IPCEF1: variants seen among roughly 807,000 people sequenced by gnomAD.
The protein encoded by IPCEF1 is interactor protein for cytohesin exchange factors 1.
In IPCEF1, 31 loss-of-function variants were observed where a neutral mutation model predicts 50.9. That is an observed-to-expected ratio of 0.61 (90% CI 0.46 to 0.82). The LOEUF is 0.82. Ranked by LOEUF, IPCEF1 falls within the 40% of genes least tolerant of loss-of-function variation. IPCEF1 has a pLI of 0.00. For synonymous variants in IPCEF1, 181 were observed against 192.0 expected, an observed-to-expected ratio of 0.94 and a Z score of 0.47; for missense variants, 458 against 514.0, an observed-to-expected ratio of 0.89 and a Z score of 1.05.
chr6:154,180,386 C>CTATATATATATATATA (rs58975780), intron 10 of IPCEF1, among the ~76,000 whole-genome samples: 7 of 88,308 alleles, frequency 7.9e-5, no homozygotes, highest in Non-Finnish European at 1.5e-4. Flanking sequence ...ACAACAACAA[C>CTATATATATATATATA]TATATATATA....
chr6:154,297,207 T>C (rs1237860095), intron 1 of IPCEF1, among the ~76,000 whole-genome samples: 1 of 151,990 alleles, frequency 6.6e-6, no homozygotes, highest in East Asian at 1.9e-4. Flanking sequence ...ACCTAGCTAA[T>C]GTTTGTATTT....
chr6:154,269,476 C>A (rs534359992), intron 2 of IPCEF1, among the ~76,000 whole-genome samples: 1 of 151,650 alleles, frequency 6.6e-6, no homozygotes, highest in African/African-American at 2.4e-5. Flanking sequence ...TCTTTTTTTT[C>A]TTTTCTTTTC....
chr6:154,300,426 A>G (rs777394640), intron 1 of IPCEF1, among the ~76,000 whole-genome samples: 1 of 152,190 alleles, frequency 6.6e-6, no homozygotes, highest in Non-Finnish European at 1.5e-5. Context: ...TGCCTGGGCA[A>G]CATATGATGA....
At chr6:154,233,121 G>C (rs986944405) in intron 5 of IPCEF1, among the ~76,000 whole-genome samples, 1 of 151,926 alleles carries the variant, frequency 6.6e-6, no homozygotes, top group Non-Finnish European at 1.5e-5. Flanking sequence ...GGCATGTGCC[G>C]CCACGCCCAG....
At chr6:154,298,625 A>C (rs2128673421) in intron 1 of IPCEF1, among the ~76,000 whole-genome samples, 1 of 152,314 alleles carries the variant, frequency 6.6e-6, no homozygotes, top group East Asian at 1.9e-4. Context: ...AAGAATGGTT[A>C]AGAGTCTCTT....
chr6:154,285,860 T>C (rs866528487), intron 2 of IPCEF1, among the ~76,000 whole-genome samples: 9 of 152,302 alleles, frequency 5.9e-5, no homozygotes, highest in African/African-American at 1.4e-4. Context: ...AAAAAGTCCA[T>C]TGACACCTTG....
At chr6:154,204,556 T>C (rs562001485) in intron 9 of IPCEF1, among the ~76,000 whole-genome samples, 1 of 152,296 alleles carries the variant, frequency 6.6e-6, no homozygotes, top group South Asian at 2.1e-4. Flanking sequence ...CCAGAAGACC[T>C]TGTAATAGTA....
At chr6:154,261,425 G>A (rs1444843439) in intron 3 of IPCEF1, among the ~76,000 whole-genome samples, 16 of 152,254 alleles carry the variant, frequency 1.1e-4, no homozygotes, top group Admixed American at 9.8e-4. Context: ...ATTCACTCTC[G>A]TTGTCATGTG....
chr6:154,195,553 A>G (rs1471029838), intron 10 of IPCEF1, among the ~76,000 whole-genome samples: 1 of 151,916 alleles, frequency 6.6e-6, no homozygotes, highest in Admixed American at 6.6e-5. Flanking sequence ...TTCAACCTCA[A>G]CCAAATGTCC....
intron 3 of IPCEF1, among the ~76,000 whole-genome samples, chr6:154,251,962 G>T (rs1305193848): frequency 1.3e-5 from 2 of 152,132 alleles, no homozygotes; most frequent in African/African-American, 4.8e-5. Context: ...GCACCATAGA[G>T]AACACAGTTA....
chr6:154,237,262 C>T (rs946073233), intron 5 of IPCEF1, among the ~76,000 whole-genome samples: 6 of 152,350 alleles, frequency 3.9e-5, no homozygotes, highest in African/African-American at 1.4e-4. Context: ...ACACCCTCAC[C>T]ATTAACTCAT....
rs972308385 is a variant in IPCEF1, at chr6:154,155,059, T to C, written c.*4769A>G. The stretch of plus-strand genomic sequence containing the variant: ...ACAATGAAGAATCCATTATTTTCAA[T>C]GTTTTCTATGTGGTTCTGGGGTCAT... On this transcript the variant is annotated 3_prime_UTR_variant, in exon 12 of 12. Transcript: ENST00000367220. 3.3e-5 allele frequency: 5 copies of C among 152,160 alleles called. No homozygotes were observed. Among genetic ancestry groups the C allele is most frequent in the Admixed American group, 6.5e-5 (1 of 15,280 alleles). The allele number at this position is 152,160 out of a possible 1,614,324, so 9.4% of individuals were successfully genotyped here. A position where few individuals can be genotyped will look rare whatever the true frequency, so the allele number is the denominator to read the frequency against.
chr6:154,223,828 T>C (rs1583841220), intron 5 of IPCEF1, among the ~76,000 whole-genome samples: 1 of 152,366 alleles, frequency 6.6e-6, no homozygotes, highest in East Asian at 1.9e-4. Flanking sequence ...GGGGATTAAA[T>C]CACAGAGCTG....
intron 1 of IPCEF1, among the ~76,000 whole-genome samples, chr6:154,338,762 C>A (rs1783842814): frequency 6.6e-6 from 1 of 151,950 alleles, no homozygotes; most frequent in South Asian, 2.1e-4. Context: ...CTCCAAAAAA[C>A]ATACAAAAAA....
chr6:154,232,503 G>A (rs1382756369), intron 5 of IPCEF1, among the ~76,000 whole-genome samples: 1 of 152,152 alleles, frequency 6.6e-6, no homozygotes, highest in Non-Finnish European at 1.5e-5. Context: ...ATTATACCAT[G>A]GGAACCATCA....
intron 9 of IPCEF1, among the ~76,000 whole-genome samples, chr6:154,211,755 G>A (rs926919658): frequency 6.6e-6 from 1 of 152,190 alleles, no homozygotes; most frequent in Non-Finnish European, 1.5e-5. Flanking sequence ...GTGCAAAAGT[G>A]ATTGTGTTTT....
intron 2 of IPCEF1, among the ~76,000 whole-genome samples, chr6:154,274,510 AG>A (rs1782004965): frequency 6.6e-6 from 1 of 152,226 alleles, no homozygotes; most frequent in Non-Finnish European, 1.5e-5. Context: ...AGTAACAAAC[AG>A]GTGGAAAACT....
intron 3 of IPCEF1, among the ~76,000 whole-genome samples, chr6:154,263,274 T>C (rs1310139855): frequency 2.0e-5 from 3 of 150,090 alleles, no homozygotes; most frequent in Non-Finnish European, 3.0e-5. Context: ...AATTGATCAT[T>C]CTTGGGTGTT....
chr6:154,256,719 A>G (rs1411431413), intron 3 of IPCEF1, among the ~76,000 whole-genome samples: 1 of 152,174 alleles, frequency 6.6e-6, no homozygotes. Flanking sequence ...TAATTTAATC[A>G]TAGAGAATCT....
Sources: allele counts gnomAD v4.1 joint callset (sites outside exome capture counted in the v4.1 genomes callset), GRCh38; gene constraint gnomAD v4.1.1; transcripts MANE v1.5; gene names NCBI Gene and HGNC (gene_info 2026-07-23, HGNC 2026-07-21).